ICA1: variants seen among roughly 807,000 people sequenced by gnomAD.
ICA1 encodes the protein islet cell autoantigen 1, also known as 69 kDa islet cell autoantigen.
In ICA1, 40 loss-of-function variants were observed where a neutral mutation model predicts 71.0. The ratio of observed to expected loss-of-function variants is 0.56; its 90% confidence interval spans 0.44 to 0.73. The LOEUF is 0.73. Among genes scored for constraint, ICA1 ranks in the 30% least tolerant of loss-of-function variants. ICA1 has a pLI of 0.00. For missense variants in ICA1, 578 were observed against 576.5 expected (o/e 1.00, Z -0.03); for synonymous variants, 207 against 209.5 (o/e 0.99, Z 0.10).
At chr7:8,248,970 T>C (rs532633540) in intron 1 of ICA1, among the ~76,000 whole-genome samples, 1 of 152,356 alleles carries the variant, frequency 6.6e-6, no homozygotes, top group East Asian at 1.9e-4. Flanking sequence ...ATATAAATGG[T>C]AAGACCTCCT....
At chr7:8,224,366 C>G (rs1201105895) in intron 4 of ICA1, among the ~76,000 whole-genome samples, 1 of 151,792 alleles carries the variant, frequency 6.6e-6, no homozygotes, top group Non-Finnish European at 1.5e-5. Context: ...GGGGCCAGAT[C>G]ACGTCCTATG....
At chr7:8,137,891 C>T (rs961942834) in intron 12 of ICA1, among the ~76,000 whole-genome samples, 6 of 152,212 alleles carry the variant, frequency 3.9e-5, no homozygotes, top group African/African-American at 1.4e-4. Flanking sequence ...AAATCAACAT[C>T]AAGCCCAGAC....
Position 8,132,101 on chromosome 7 carries a change from A to G in ICA1, c.1061-3959T>C, listed in dbSNP as rs1479381099. Among the ~76,000 whole-genome samples the G allele has an allele frequency of 6.6e-6, 1 of 152,164 alleles. No individual in the cohort carries two copies. Among genetic ancestry groups the G allele is most frequent in the African/African-American group, 2.4e-5 (1 of 41,440 alleles). On this transcript the variant is annotated intron_variant, in intron 12 of 13. Transcript: ENST00000402384. The surrounding 1 kb of genome is among the most constrained non-coding windows in gnomAD (Gnocchi z 4.5). Reference sequence around the variant, plus strand: ...TGTTTACTTGCTTACCAGATAACCTAACTACAGACACTGCTGCAAAAATAA... The same window carrying G: ...TGTTTACTTGCTTACCAGATAACCTGACTACAGACACTGCTGCAAAAATAA...
chr7:8,235,864 T>G (rs1801686905), intron 2 of ICA1, 46 bp downstream of exon 2: 4 of 1,587,998 alleles, frequency 2.5e-6, no homozygotes, highest in Admixed American at 3.3e-5. Flanking sequence ...TCATATGCTA[T>G]ATGCTTTCTA....
chr7:8,150,780 T>A (rs1798527705), intron 8 of ICA1, among the ~76,000 whole-genome samples: 1 of 152,230 alleles, frequency 6.6e-6, no homozygotes, highest in South Asian at 2.1e-4. Context: ...GTGCTATTTT[T>A]AATTGAAAGT....
At chr7:8,159,403 C>T (rs532418165) in intron 6 of ICA1, among the ~76,000 whole-genome samples, 38 of 152,272 alleles carry the variant, frequency 2.5e-4, no homozygotes, top group Non-Finnish European at 3.2e-4. Context: ...CAACTTGATA[C>T]GGCTGCATTG....
At chr7:8,150,192 G>T (rs1172369754) in intron 8 of ICA1, among the ~76,000 whole-genome samples, 15 of 152,172 alleles carry the variant, frequency 9.9e-5, no homozygotes, top group Non-Finnish European at 1.5e-5. Flanking sequence ...TAGTGCTGTG[G>T]CATGGACATG....
rs1263772726 is a variant in ICA1, at chr7:8,144,923, G to A, written c.805-951C>T. Among the ~76,000 whole-genome samples, 1 of 152,152 alleles carries A rather than the reference G, an allele frequency of 6.6e-6. No individual in the cohort carries two copies. Among genetic ancestry groups the A allele is most frequent in the African/African-American group, 2.4e-5 (1 of 41,434 alleles). On this transcript the variant is annotated intron_variant, in intron 8 of 13. Coordinates refer to ENST00000402384, the MANE Select transcript of ICA1 (RefSeq NM_001136020.3). The surrounding 1 kb of genome is among the most constrained non-coding windows in gnomAD (Gnocchi z 4.5). ...GTTCACTTGTCTGACACACATAGGA[G>A]GCAATCAGGTTTCATGGCCAATTCT...
At chr7:8,248,190 G>A (rs1275694559) in intron 1 of ICA1, among the ~76,000 whole-genome samples, 1 of 152,130 alleles carries the variant, frequency 6.6e-6, no homozygotes, top group African/African-American at 2.4e-5. Context: ...CTTCCATTCA[G>A]TGGGTAGCTT....
Position 8,127,922 on chromosome 7 carries a change from AG to A in ICA1, c.1280del (p.Pro427LeufsTer5). The A allele has an allele frequency of 6.2e-7, 1 of 1,614,256 alleles. No homozygotes were observed. The highest frequency in any genetic ancestry group is 8.5e-7 in the Non-Finnish European group (1 of 1,180,048). ...PKAQTGSGFL[P>X]SQLLDQNMKD... ...TCATATTTTGGTCTAAAAGCTGCGA[AG>A]GAAGGAAACCTGAGCCTGTCTGGGC... On this transcript the variant is annotated frameshift_variant, in exon 13 of 14. Coordinates refer to ENST00000402384, the MANE Select transcript of ICA1 (RefSeq NM_001136020.3). LOFTEE classifies it high-confidence loss of function.
chr7:8,223,508 G>C lies in ICA1; in HGVS notation c.257-2110C>G, dbSNP rs574983026. ...CTTACTCAGAGGGCAGTGGAAAGAA[G>C]TGTGAGCTCCATCAGGGTCAAGGTT... On this transcript the variant is annotated intron_variant, in intron 4 of 13. Transcript: ENST00000402384. The surrounding 1 kb of genome is among the most constrained non-coding windows in gnomAD (Gnocchi z 4.1). The C allele has an allele frequency of 6.5e-6, 1 of 154,744 alleles. No individual in the cohort carries two copies. The highest frequency in any genetic ancestry group is 1.9e-4 in the East Asian group (1 of 5,190). The allele number at this position is 154,744 out of a possible 1,614,324, so 9.6% of individuals were successfully genotyped here. A position where few individuals can be genotyped will look rare whatever the true frequency, so the allele number is the denominator to read the frequency against.
At chr7:8,255,427 TC>T (rs1809745393) in intron 1 of ICA1, among the ~76,000 whole-genome samples, 1 of 152,208 alleles carries the variant, frequency 6.6e-6, no homozygotes, top group South Asian at 2.1e-4. Context: ...TAGCTTCTTT[TC>T]CTCTGTGTCT....
At position 8,162,961 on chromosome 7, in the gene ICA1, A is replaced by G. The variant is rs374663031; in HGVS notation, c.580-4309T>C. Among the ~76,000 whole-genome samples the G allele has an allele frequency of 7.2e-5, 11 of 152,268 alleles. 1 individual carries two copies. The highest frequency in any genetic ancestry group is 2.6e-4 in the African/African-American group (11 of 41,552). ...GTATTTTTAGTAGAGATACGGTTTCACCATGTTGGCCAGGCTGGTCTTGAA... is the reference window on the plus strand; with the variant it reads ...GTATTTTTAGTAGAGATACGGTTTCGCCATGTTGGCCAGGCTGGTCTTGAA... On this transcript the variant is annotated intron_variant, in intron 6 of 13. Transcript: ENST00000402384.
At chr7:8,156,753 G>C in intron 8 of ICA1, 2 of 1,339,362 alleles carry the variant, frequency 1.5e-6, no homozygotes, top group East Asian at 5.3e-5. Flanking sequence ...TGAGTTTATG[G>C]GACTTGTACA....
chr7:8,141,888 G>T (rs534939014), intron 9 of ICA1, 71 bp from the exon 10 acceptor site: 2 of 1,348,810 alleles, frequency 1.5e-6, no homozygotes, highest in South Asian at 2.5e-5. Flanking sequence ...CAGACTTTCA[G>T]TACAATATTA....
In ICA1 at chr7:8,234,540, T is replaced by C. The variant is rs1801255130; in HGVS notation, c.17+1370A>G. ...ATCAAAATACCAGTATCTCAAAACC[T>C]ACTTTCCTTCATTTACAATTTCATT... is the stretch of plus-strand genomic sequence containing the variant. On this transcript the variant is annotated intron_variant, in intron 2 of 13. Coordinates refer to ENST00000402384, the MANE Select transcript of ICA1 (RefSeq NM_001136020.3). This position sits in a 1 kb window ranked among gnomAD's most constrained non-coding sequence, Gnocchi z 4.5. Among the ~76,000 whole-genome samples, 1 of 152,226 alleles carries C rather than the reference T, an allele frequency of 6.6e-6. No homozygotes were observed. The highest frequency in any genetic ancestry group is 2.4e-5 in the African/African-American group (1 of 41,464).
intron 12 of ICA1, 32 bp from the exon 13 acceptor site, chr7:8,128,174 C>G (rs1262265636): frequency 1.2e-6 from 2 of 1,602,222 alleles, no homozygotes; most frequent in Non-Finnish European, 1.7e-6. Flanking sequence ...AAAACGTCAC[C>G]ACGGAGGGCT....
intron 1 of ICA1, among the ~76,000 whole-genome samples, chr7:8,239,472 A>G (rs972063881): frequency 2.0e-5 from 3 of 152,176 alleles, no homozygotes; most frequent in Admixed American, 1.3e-4. Context: ...TGCAGCTCCC[A>G]GCGTGGCTGA....
intron 6 of ICA1, among the ~76,000 whole-genome samples, chr7:8,203,224 A>G (rs1790332918): frequency 8.5e-6 from 1 of 117,468 alleles, no homozygotes; most frequent in Non-Finnish European, 2.1e-5. Flanking sequence ...TCTAAGCCTT[A>G]GGTAAACATG....
Sources: gnomAD v4.1 joint callset for allele counts (sites outside exome capture counted in the v4.1 genomes callset) on GRCh38, gnomAD v4.1.1 for gene constraint, Gnocchi (gnomAD v3.1) non-coding constraint, MANE v1.5 for transcripts, NCBI Gene and HGNC (gene_info 2026-07-23, HGNC 2026-07-21) for gene names.